The following SAMD14 variants were observed in gnomAD, a reference collection of about 807,000 sequenced individuals.
SAMD14 encodes sterile alpha motif domain-containing protein 14.
SAMD14 carries 27 observed loss-of-function variants against 46.2 expected under a neutral mutation model. The ratio of observed to expected loss-of-function variants is 0.58; its 90% confidence interval spans 0.43 to 0.81. The LOEUF (loss-of-function observed/expected upper bound fraction) is 0.81, where lower values mean the gene tolerates loss of function less well. Ranked by LOEUF, SAMD14 falls within the 30% of genes least tolerant of loss-of-function variation. The probability of loss-of-function intolerance (pLI) is 0.00; values close to 1 mark genes in which losing one functional copy is unlikely to be tolerated. For missense variants in SAMD14, 559 were observed against 582.2 expected (o/e 0.96, Z 0.41); for synonymous variants, 241 against 254.3 (o/e 0.95, Z 0.50).
intron 2 of SAMD14, among the ~76,000 whole-genome samples, chr17:50,120,711 C>A (rs183999928): frequency 1.2e-4 from 18 of 152,330 alleles, no homozygotes; most frequent in African/African-American, 4.3e-4. Context: ...CTCATCCTCA[C>A]ACAAGCCAGC....
chr17:50,112,708 G>A lies in SAMD14; in HGVS notation c.*185C>T. The A allele has an allele frequency of 1.6e-6, 1 of 624,740 alleles. No individual in the cohort carries two copies. The highest frequency in any genetic ancestry group is 2.7e-6 in the Non-Finnish European group (1 of 373,672). 38.7% of individuals were successfully genotyped at this position (624,740 alleles called of 1,614,324 possible). ...GATTTATTACTAGGCCCTCTCCCTGGGGTCTCCCTTTCTGGGGTCTCTGGG... is the reference window on the plus strand; with the variant it reads ...GATTTATTACTAGGCCCTCTCCCTGAGGTCTCCCTTTCTGGGGTCTCTGGG... On this transcript the variant is annotated 3_prime_UTR_variant, in exon 10 of 10. Coordinates refer to ENST00000330175, the MANE Select transcript of SAMD14 (RefSeq NM_001257359.2).
chr17:50,118,375 G>A (rs1190619233), intron 2 of SAMD14, 48 bp from the exon 3 acceptor site: 2 of 1,596,962 alleles, frequency 1.3e-6, no homozygotes, highest in South Asian at 1.1e-5. Flanking sequence ...GAGAGGTGAC[G>A]GCAAGCCCAG....
Position 50,115,884 on chromosome 17 carries a change from G to T in SAMD14, c.608C>A (p.Ser203Tyr). Residue 203 changes from serine to tyrosine, a missense_variant, in exon 6 of 10, where the codon TCC becomes TAC. Coordinates refer to ENST00000330175, the MANE Select transcript of SAMD14 (RefSeq NM_001257359.2). The surrounding 1 kb of genome is among the most constrained non-coding windows in gnomAD (Gnocchi z 5.3). ...TTTCTCCTTCCGGCTCTTGCCCGTG[G>T]ATGCTCGGCGCAGGGTGACCCTGTG... Reference protein sequence around the residue: ...LDLGVTLRRASTGKSRKEKGS... With the variant: ...LDLGVTLRRAYTGKSRKEKGS... 1 of 1,613,290 alleles carries T rather than the reference G, an allele frequency of 6.2e-7. No homozygotes were observed.
Position 50,112,672 on chromosome 17 carries a change from C to A in SAMD14, c.*221G>T, listed in dbSNP as rs1480442111. On this transcript the variant is annotated 3_prime_UTR_variant, in exon 10 of 10. Coordinates refer to ENST00000330175, the MANE Select transcript of SAMD14 (RefSeq NM_001257359.2). ...CCCAGGAACTCTGTGCCAAACAAGT[C>A]CTCAAAATAGGATTTATTACTAGGC... 5.3e-5 allele frequency: 27 copies of A among 514,264 alleles called. No individual in the cohort carries two copies. Among genetic ancestry groups the A allele is most frequent in the Non-Finnish European group, 7.8e-5 (23 of 295,756 alleles). 31.9% of individuals were successfully genotyped at this position (514,264 alleles called of 1,614,324 possible). A position where few individuals can be genotyped will look rare whatever the true frequency, so the allele number is the denominator to read the frequency against.
At chr17:50,125,006 G>A (rs1598235019) in intron 1 of SAMD14, 35 bp from the exon 2 acceptor site, 1 of 1,602,048 alleles carries the variant, frequency 6.2e-7, no homozygotes, top group South Asian at 1.1e-5. Flanking sequence ...AAGAAAAAGA[G>A]AGCCTGGGTT....
chr17:50,128,060 C>A (rs1161500888), intron 1 of SAMD14, among the ~76,000 whole-genome samples: 1 of 152,210 alleles, frequency 6.6e-6, no homozygotes, highest in Non-Finnish European at 1.5e-5. Flanking sequence ...ATTCTTCCGT[C>A]AGACTAGGGA....
At position 50,110,084 on chromosome 17, in the gene SAMD14, A is replaced by G. The variant is rs1380472001; in HGVS notation, c.*2809T>C. The G allele has an allele frequency of 3.1e-6, 5 of 1,607,272 alleles. No individual in the cohort carries two copies. Among genetic ancestry groups the G allele is most frequent in the Non-Finnish European group, 4.3e-6 (5 of 1,176,236 alleles). On this transcript the variant is annotated 3_prime_UTR_variant, in exon 10 of 10. Coordinates refer to ENST00000330175, the MANE Select transcript of SAMD14 (RefSeq NM_001257359.2). ...ACGGAGCCCAAGAACACGTCCACGT[A>G]CCGCGTCAGCTAAGGGCCGCCGTGC...
At chr17:50,124,076 G>A (rs779259748) in intron 2 of SAMD14, 9 of 455,956 alleles carry the variant, frequency 2.0e-5, no homozygotes, top group East Asian at 6.9e-5. Flanking sequence ...GGAGCAGGCC[G>A]CTCTCACCCT....
chr17:50,124,876 G>A (rs2144415892), intron 2 of SAMD14, 41 bp downstream of exon 2: 1 of 1,600,906 alleles, frequency 6.2e-7, no homozygotes, highest in East Asian at 2.2e-5. Context: ...GTACTCTATG[G>A]CTGTGTCTAT....
At chr17:50,113,173 T>A (rs1435600067) in intron 9 of SAMD14, 125 bp from the exon 10 acceptor site, 15 of 1,103,586 alleles carry the variant, frequency 1.4e-5, no homozygotes, top group Admixed American at 2.7e-5. Context: ...GAGTGGAGCC[T>A]CCGCCTCCCA....
intron 1 of SAMD14, among the ~76,000 whole-genome samples, chr17:50,126,112 G>A (rs541183699): frequency 3.4e-4 from 52 of 152,194 alleles, no homozygotes; most frequent in African/African-American, 1.1e-3. Context: ...GCAAGGGGAC[G>A]CTGCATGGCT....
In SAMD14 at chr17:50,112,934, C is replaced by T. The variant is rs1417117724; in HGVS notation, c.1213G>A (p.Glu405Lys). The change falls in exon 10 of 10, where the codon GAG becomes AAG. Residue 405 changes from glutamate (E) to lysine (K), a missense_variant. By Grantham distance (56) the Glu-to-Lys change is moderately conservative. Coordinates refer to ENST00000330175, the MANE Select transcript of SAMD14 (RefSeq NM_001257359.2). ...TCCTGCTCTCGGCGCCGGAGCTTCT[C>T]CCGCTGCCGCGCAGCCTTCTCCTGG... ...KAQEKAARQREKLRRREQEAK... is the reference protein window; with the variant it reads ...KAQEKAARQRKKLRRREQEAK... The T allele has an allele frequency of 6.2e-7, 1 of 1,608,862 alleles. No homozygotes were observed.
chr17:50,117,539 G>A lies in SAMD14; in HGVS notation c.367C>T (p.Arg123Trp), dbSNP rs1911275725. The A allele has an allele frequency of 1.9e-6, 3 of 1,552,682 alleles. No homozygotes were observed. The highest frequency in any genetic ancestry group is 2.5e-5 in the East Asian group (1 of 39,990). Residue 123 changes from arginine (R) to tryptophan (W), a missense_variant, in exon 4 of 10, where the codon CGG (arginine) becomes TGG (tryptophan). Coordinates refer to ENST00000330175, the MANE Select transcript of SAMD14 (RefSeq NM_001257359.2). ...EPPPSPLTRY[R>W]PLHNAASHEG... Reference sequence around the variant, plus strand: ...TGCGACGCAGCGTTGTGCAGGGGCCGGTAGCGTGTGAGCGGCGAGGGCGGC... The same window carrying A: ...TGCGACGCAGCGTTGTGCAGGGGCCAGTAGCGTGTGAGCGGCGAGGGCGGC...
At chr17:50,128,278 C>G (rs1307311567) in intron 1 of SAMD14, among the ~76,000 whole-genome samples, 1 of 152,100 alleles carries the variant, frequency 6.6e-6, no homozygotes, top group African/African-American at 2.4e-5. Flanking sequence ...CATTCTCGGT[C>G]CATCCTGATT....
In SAMD14 at chr17:50,117,465, G is replaced by A; in HGVS notation, c.441C>T (p.Ser147=). 2 of 1,392,892 alleles carry A rather than the reference G, an allele frequency of 1.4e-6. No individual in the cohort carries two copies. The highest frequency in any genetic ancestry group is 9.2e-7 in the Non-Finnish European group (1 of 1,081,380). 86.3% of individuals were successfully genotyped at this position (1,392,892 alleles called of 1,614,324 possible). The change falls in exon 4 of 10, where the codon TCC becomes TCT. Residue 147 remains serine, a synonymous_variant. Coordinates refer to ENST00000330175, the MANE Select transcript of SAMD14 (RefSeq NM_001257359.2). The stretch of plus-strand genomic sequence containing the variant: ...GCACGAAGCTGGGGGAGCTGTCGGA[G>A]GAGGGCGCGGAGCGCGGCGGAGAGC... ...ASCSPPRSAP[S]SDSSPSFVRR...
In SAMD14 at chr17:50,112,859, C is replaced by A. The variant is rs201808769; in HGVS notation, c.*34G>T. 3.2e-6 allele frequency: 5 copies of A among 1,581,122 alleles called. No individual in the cohort carries two copies. Among genetic ancestry groups the A allele is most frequent in the South Asian group, 2.2e-5 (2 of 89,228 alleles). On this transcript the variant is annotated 3_prime_UTR_variant, in exon 10 of 10. Transcript: ENST00000330175. ...CCTGTGCCCGCGGAGCCAGTGGCTG[C>A]CCCTGCCGGGTGCCAGCGCCTGTGC...
chr17:50,128,488 A>ACACT (rs1911883497), intron 1 of SAMD14, among the ~76,000 whole-genome samples: 1 of 145,524 alleles, frequency 6.9e-6, no homozygotes. Context: ...TCTCTCACAC[A>ACACT]CACACACACA....
Position 50,117,571 on chromosome 17 carries a change from T to C in SAMD14, c.335A>G (p.Asp112Gly). The change falls in exon 4 of 10, where the codon GAC becomes GGC. Residue 112 changes from aspartate to glycine, a missense_variant. Asp to Gly is a moderately conservative substitution (Grantham distance 94). Transcript: ENST00000330175. ...TGTGAGCGGCGAGGGCGGCGGCTCG[T>C]CCTCGTCCAGGCTGCGCCGCAACCC... Reference protein sequence around the residue: ...PPGLRRSLDEDEPPPSPLTRY... With the variant: ...PPGLRRSLDEGEPPPSPLTRY... 1 of 1,551,738 alleles carries C rather than the reference T, an allele frequency of 6.4e-7. No homozygotes were observed.
At chr17:50,116,192 G>C in intron 4 of SAMD14, 102 bp from the exon 5 acceptor site, 2 of 1,481,642 alleles carry the variant, frequency 1.3e-6, no homozygotes, top group South Asian at 1.4e-5. Context: ...TTAGAATCAG[G>C]CATCCTGGCT....
Sources: gnomAD v4.1 joint callset for allele counts (sites outside exome capture counted in the v4.1 genomes callset) on GRCh38, gnomAD v4.1.1 for gene constraint, Gnocchi (gnomAD v3.1) non-coding constraint, MANE v1.5 for transcripts, NCBI Gene and HGNC (gene_info 2026-07-23, HGNC 2026-07-21) for gene names.